Variants in GLRA3 observed in about 807,000 individuals in gnomAD.
GLRA3 encodes the protein glycine receptor alpha 3, also known as glycine receptor subunit alpha-3.
A neutral mutation model predicts 60.4 loss-of-function variants in GLRA3; 44 were observed. That is an observed-to-expected ratio of 0.73 (90% CI 0.57 to 0.94). The LOEUF is 0.94. Among genes scored for constraint, GLRA3 ranks in the 40% least tolerant of loss-of-function variants. The probability of loss-of-function intolerance (pLI) is 0.00; values close to 1 mark genes in which losing one functional copy is unlikely to be tolerated. For missense variants in GLRA3, 508 were observed against 564.6 expected (o/e 0.90, Z 1.02); for synonymous variants, 223 against 192.9 (o/e 1.16, Z -1.29).
rs557957798 is a variant in GLRA3, at chr4:174,691,543, C to T, written c.575-8604G>A. On this transcript the variant is annotated intron_variant, in intron 5 of 9. Transcript: ENST00000274093. ...TGCCTGCGATTGCAGGCGCGCGCGC[C>T]GCCACGCCTGACTGGTTTTCGTATT... 4.0e-3 allele frequency among the ~76,000 whole-genome samples: 615 copies of T among 152,060 alleles called. 1 individual carries two copies. Among genetic ancestry groups the T allele is most frequent in the Middle Eastern group, 0.01 (3 of 292 alleles).
intron 1 of GLRA3, among the ~76,000 whole-genome samples, chr4:174,793,159 TTACTC>T (rs1236051613): frequency 2.0e-5 from 3 of 152,180 alleles, no homozygotes; most frequent in African/African-American, 7.2e-5. Context: ...ATGGAGGTCC[TTACTC>T]TACTATGTGT....
intron 1 of GLRA3, among the ~76,000 whole-genome samples, chr4:174,798,289 A>G (rs931150760): frequency 6.6e-6 from 1 of 152,178 alleles, no homozygotes; most frequent in Non-Finnish European, 1.5e-5. Context: ...TCCGTGGGCC[A>G]GTCCTGTAGA....
At chr4:174,823,251 A>AAC (rs1553964074) in intron 1 of GLRA3, among the ~76,000 whole-genome samples, 1,830 of 152,154 alleles carry the variant, frequency 0.012, 36 homozygotes, top group African/African-American at 0.04. Context: ...CTCAAAAAAA[A>AAC]AATGTATTTC....
rs1302550604 is a variant in GLRA3, at chr4:174,828,791, A to G, written c.21T>C (p.Phe7=). The part of the protein sequence containing the change: MAHVRH[F]RTLVSGFYFW... Reference sequence around the variant, plus strand: ...AGTAAAATCCCGAAACTAATGTCCGAAAGTGTCTCACGTGGGCCATGATAC... The same window carrying G: ...AGTAAAATCCCGAAACTAATGTCCGGAAGTGTCTCACGTGGGCCATGATAC... The change falls in exon 1 of 10, where the codon TTT becomes TTC. Residue 7 remains phenylalanine (F), a synonymous_variant. Transcript: ENST00000274093. 6.2e-7 allele frequency: 1 copy of G among 1,611,584 alleles called. No homozygotes were observed. The highest frequency in any genetic ancestry group is 8.5e-7 in the Non-Finnish European group (1 of 1,177,642).
intron 3 of GLRA3, among the ~76,000 whole-genome samples, chr4:174,728,969 T>C (rs1163212068): frequency 6.6e-6 from 1 of 152,196 alleles, no homozygotes; most frequent in Non-Finnish European, 1.5e-5. Flanking sequence ...TCTTATATAC[T>C]GTTCTTTGGG....
chr4:174,694,428 T>A (rs372441696), intron 5 of GLRA3, among the ~76,000 whole-genome samples: 15 of 152,218 alleles, frequency 9.9e-5, no homozygotes, highest in African/African-American at 3.4e-4. Flanking sequence ...GTCCGCACTA[T>A]GAAAATTACT....
intron 7 of GLRA3, among the ~76,000 whole-genome samples, chr4:174,661,372 T>C (rs922257779): frequency 3.6e-4 from 55 of 152,174 alleles, no homozygotes; most frequent in Admixed American, 1.6e-3. Flanking sequence ...ACTCCCATTA[T>C]CCTCAACATG....
intron 4 of GLRA3, among the ~76,000 whole-genome samples, chr4:174,725,697 G>T (rs1264266126): frequency 6.6e-6 from 1 of 152,050 alleles, no homozygotes; most frequent in African/African-American, 2.4e-5. Context: ...GCCTGGGCTG[G>T]TCTCAAACTC....
At chr4:174,656,036 C>T (rs934750953) in intron 9 of GLRA3, among the ~76,000 whole-genome samples, 28 of 152,094 alleles carry the variant, frequency 1.8e-4, no homozygotes, top group Admixed American at 7.2e-4. Flanking sequence ...TGTGACTTCT[C>T]AGGCTAAATT....
At chr4:174,687,497 T>A (rs367693853) in intron 5 of GLRA3, among the ~76,000 whole-genome samples, 2 of 152,200 alleles carry the variant, frequency 1.3e-5, no homozygotes, top group South Asian at 2.1e-4. Flanking sequence ...ATTTTTTATG[T>A]GAAAAAAATG....
intron 5 of GLRA3, among the ~76,000 whole-genome samples, chr4:174,688,356 T>C (rs1734637206): frequency 7.5e-6 from 1 of 134,102 alleles, no homozygotes; most frequent in South Asian, 2.4e-4. Context: ...TATATATATA[T>C]ATATATATAT....
In GLRA3 at chr4:174,773,753, A is replaced by G. The variant is rs963395933; in HGVS notation, c.200-6723T>C. On this transcript the variant is annotated intron_variant, in intron 2 of 9. Transcript: ENST00000274093. ...GGTTTGTAAATTATGGCATAGAAGC[A>G]GAATCCTGTTTGTTCTTCCCCTTTC... 5.3e-5 allele frequency among the ~76,000 whole-genome samples: 8 copies of G among 152,332 alleles called. No individual in the cohort carries two copies. In the South Asian group the frequency reaches 1.4e-3, roughly 28 times the overall value.
intron 7 of GLRA3, among the ~76,000 whole-genome samples, chr4:174,675,143 A>T (rs1734066824): frequency 6.6e-6 from 1 of 152,130 alleles, no homozygotes; most frequent in Non-Finnish European, 1.5e-5. Context: ...TCAGAGTCAC[A>T]CCTGTCATCA....
At chr4:174,706,105 C>CACG (rs1451316168) in intron 5 of GLRA3, among the ~76,000 whole-genome samples, 13 of 152,144 alleles carry the variant, frequency 8.5e-5, no homozygotes, top group Middle Eastern at 3.4e-3. Context: ...TGGCGGGCAC[C>CACG]TGTAGTCCCA....
chr4:174,828,706 T>G (rs373343718), intron 1 of GLRA3, 35 bp downstream of exon 1: 35 of 1,385,848 alleles, frequency 2.5e-5, no homozygotes, highest in Non-Finnish European at 3.5e-5. Context: ...ACAGGCTTAA[T>G]GAGTTCTCCG....
At chr4:174,805,684 C>T (rs1740018601) in intron 1 of GLRA3, among the ~76,000 whole-genome samples, 1 of 152,098 alleles carries the variant, frequency 6.6e-6, no homozygotes, top group Non-Finnish European at 1.5e-5. Context: ...TTTTAAGCCA[C>T]TTAAATATCA....
At chr4:174,664,362 T>C (rs1733575166) in intron 7 of GLRA3, among the ~76,000 whole-genome samples, 1 of 152,034 alleles carries the variant, frequency 6.6e-6, no homozygotes, top group Non-Finnish European at 1.5e-5. Context: ...TCAAACTGAA[T>C]TTGACTAAAA....
At chr4:174,734,807 C>T (rs1344281670) in intron 3 of GLRA3, among the ~76,000 whole-genome samples, 1 of 152,090 alleles carries the variant, frequency 6.6e-6, no homozygotes, top group Non-Finnish European at 1.5e-5. Context: ...GAATACTACC[C>T]ATTCTGTACA....
rs1050463356 is a variant in GLRA3 at position 174,639,819 on chromosome 4, A to G, written c.*3967T>C. 2 of 150,206 alleles carry G rather than the reference A, an allele frequency of 1.3e-5. No homozygotes were observed. Among genetic ancestry groups the G allele is most frequent in the African/African-American group, 5.1e-5 (2 of 39,554 alleles). The allele number at this position is 150,206 out of a possible 1,614,324, so 9.3% of individuals were successfully genotyped here. ...GCTTATTTATCCATGAAAGGTTTAT[A>G]TAACAATAAAAAAAATGCAGTGAGG... On this transcript the variant is annotated 3_prime_UTR_variant, in exon 10 of 10. Transcript: ENST00000274093.
Sources: gnomAD v4.1 joint callset for allele counts (sites outside exome capture counted in the v4.1 genomes callset) on GRCh38, gnomAD v4.1.1 for gene constraint, MANE v1.5 for transcripts, NCBI Gene and HGNC (gene_info 2026-07-23, HGNC 2026-07-21) for gene names.